Variants in PLAAT3 observed in about 807,000 individuals in gnomAD.
The protein encoded by PLAAT3 is phospholipase A and acyltransferase 3.
Under a neutral mutation model 16.7 loss-of-function variants are expected in PLAAT3, and 21 were observed. The ratio of observed to expected loss-of-function variants is 1.26; its 90% confidence interval spans 0.89 to 1.81. The LOEUF (loss-of-function observed/expected upper bound fraction) is 1.81, where lower values mean the gene tolerates loss of function less well. Ranked by LOEUF, PLAAT3 falls within the 40% of genes most tolerant of loss-of-function variation. PLAAT3 has a pLI of 0.00. For synonymous variants in PLAAT3, 76 were observed against 81.7 expected (o/e 0.93, Z 0.38); for missense variants, 219 against 213.7 (o/e 1.02, Z -0.16).
intron 2 of PLAAT3, among the ~76,000 whole-genome samples, chr11:63,598,924 G>C (rs1350034942): frequency 6.6e-6 from 1 of 152,244 alleles, no homozygotes; most frequent in African/African-American, 2.4e-5. Context: ...GTGCGTATGT[G>C]AGAAGGGGAA....
chr11:63,588,726 G>C (rs1411553837), intron 4 of PLAAT3, among the ~76,000 whole-genome samples: 1 of 152,094 alleles, frequency 6.6e-6, no homozygotes, highest in African/African-American at 2.4e-5. Flanking sequence ...ATAAATAGTT[G>C]TTGAACATGA....
intron 4 of PLAAT3, among the ~76,000 whole-genome samples, chr11:63,585,181 C>A (rs55725938): frequency 1.1e-4 from 17 of 151,942 alleles, no homozygotes; most frequent in Non-Finnish European, 2.5e-4. Context: ...CACACCACCA[C>A]GCCCAGCTAA....
intron 2 of PLAAT3, among the ~76,000 whole-genome samples, chr11:63,611,023 T>C (rs749464858): frequency 6.6e-6 from 1 of 151,976 alleles, no homozygotes; most frequent in African/African-American, 2.4e-5. Flanking sequence ...AAGCCCACAG[T>C]GGGGAGGCAG....
Position 63,604,270 on chromosome 11 carries a change from T to C in PLAAT3, c.16-6107A>G, listed in dbSNP as rs1031259377. Among the ~76,000 whole-genome samples the C allele has an allele frequency of 3.9e-5, 6 of 152,324 alleles. No homozygotes were observed. The East Asian group carries it at 5.8e-4, about 15-fold the overall frequency. On this transcript the variant is annotated intron_variant, in intron 2 of 4. Coordinates refer to ENST00000415826, the MANE Select transcript of PLAAT3 (RefSeq NM_001128203.2). ...GTGCGTGGTTGGGATTCAGAACTTT[T>C]ATATTTCATGTTATATTATTTTATT...
At chr11:63,575,850 G>A (rs591304) in intron 4 of PLAAT3, among the ~76,000 whole-genome samples, 40,874 of 152,030 alleles carry the variant, frequency 0.27, 6,650 homozygotes, top group Non-Finnish European at 0.36. Context: ...ATTAAACCCA[G>A]GTACCTCTGG....
chr11:63,603,289 C>T (rs1220855914), intron 2 of PLAAT3, among the ~76,000 whole-genome samples: 1 of 152,080 alleles, frequency 6.6e-6, no homozygotes, highest in Non-Finnish European at 1.5e-5. Context: ...TGGCAAAGTT[C>T]AGGAGAACCC....
chr11:63,575,260 G>T (rs931157758), intron 4 of PLAAT3, among the ~76,000 whole-genome samples: 2 of 152,236 alleles, frequency 1.3e-5, no homozygotes, highest in African/African-American at 4.8e-5. Context: ...AAATTTACAT[G>T]GAACCAAAGA....
At chr11:63,589,750 C>T (rs1170232509) in intron 4 of PLAAT3, among the ~76,000 whole-genome samples, 1 of 152,170 alleles carries the variant, frequency 6.6e-6, no homozygotes, top group Non-Finnish European at 1.5e-5. Flanking sequence ...GTTACTTAAG[C>T]TCAGTTTCCC....
At chr11:63,594,941 T>C (rs1156827283) in intron 3 of PLAAT3, among the ~76,000 whole-genome samples, 2 of 152,062 alleles carry the variant, frequency 1.3e-5, no homozygotes, top group Non-Finnish European at 2.9e-5. Flanking sequence ...TGACATCTAC[T>C]CTGGTTACTA....
intron 4 of PLAAT3, 151 bp from the exon 5 acceptor site, chr11:63,575,197 GGGA>G (rs1565244604): frequency 1.7e-6 from 1 of 597,244 alleles, no homozygotes; most frequent in African/African-American, 1.9e-5. Context: ...TAGGGAAGAG[GGGA>G]GGAGAGGGCT....
chr11:63,593,769 G>A (rs1251587441), intron 3 of PLAAT3, among the ~76,000 whole-genome samples: 2 of 152,136 alleles, frequency 1.3e-5, no homozygotes, highest in Non-Finnish European at 2.9e-5. Flanking sequence ...TAATAGAGAC[G>A]GGGTTTCGCC....
intron 4 of PLAAT3, among the ~76,000 whole-genome samples, chr11:63,588,820 G>A (rs913228038): frequency 5.3e-5 from 8 of 152,118 alleles, no homozygotes; most frequent in Admixed American, 1.3e-4. Context: ...TATAGGAACC[G>A]CCTAACAAAC....
rs765555800 is a variant in PLAAT3 at position 63,590,273 on chromosome 11, C to A, written c.214G>T (p.Asp72Tyr). ...KELLYDVAGS[D>Y]KYQVNNKHDD... ...TGTTTGTTGTTGACCTGGTACTTGTCACTCCCGGCCACATCATACAGCAAT... is the reference window on the plus strand; with the variant it reads ...TGTTTGTTGTTGACCTGGTACTTGTAACTCCCGGCCACATCATACAGCAAT... The change falls in exon 4 of 5, where the codon GAC becomes TAC. Residue 72 changes from aspartate (D) to tyrosine (Y), a missense_variant. Transcript: ENST00000415826. 2.7e-5 allele frequency: 43 copies of A among 1,614,102 alleles called. No homozygotes were observed. The highest frequency in any genetic ancestry group is 4.2e-6 in the Non-Finnish European group (5 of 1,180,022).
intron 4 of PLAAT3, among the ~76,000 whole-genome samples, chr11:63,579,232 G>A (rs1937717933): frequency 6.6e-6 from 1 of 152,186 alleles, no homozygotes; most frequent in Admixed American, 6.5e-5. Flanking sequence ...AACAAGTGCT[G>A]GAGAGGATAT....
At chr11:63,613,944 T>C in intron 2 of PLAAT3, 56 bp downstream of exon 2, 1 of 1,077,128 alleles carries the variant, frequency 9.3e-7, no homozygotes, top group South Asian at 1.3e-5. Flanking sequence ...AGACAACGAG[T>C]CCCCACTAAC....
chr11:63,586,570 T>C (rs11231525), intron 4 of PLAAT3, among the ~76,000 whole-genome samples: 37,464 of 152,182 alleles, frequency 0.25, 5,167 homozygotes, highest in East Asian at 0.63. Context: ...TTCCCAAGGT[T>C]GTCTTGTACT....
At chr11:63,615,160 G>GTGTGTATATGTGTATATATGTGTA (rs1565259789), upstream of PLAAT3, among the ~76,000 whole-genome samples, 2 of 39,134 alleles carry the variant, frequency 5.1e-5, no homozygotes, top group Non-Finnish European at 1.6e-4. Context: ...GTATATATGT[G>GTGTGTATATGTGTATATATGTGTA]TATATATGTG....
upstream of PLAAT3, among the ~76,000 whole-genome samples, chr11:63,615,514 T>C (rs1248382829): frequency 1.3e-5 from 2 of 151,904 alleles, no homozygotes; most frequent in Non-Finnish European, 2.9e-5. Flanking sequence ...CCCTTTTCTG[T>C]GTCTTAAAAG....
In PLAAT3 at chr11:63,590,341, C is replaced by G; in HGVS notation, c.146G>C (p.Ser49Thr). ...PSEVAGAGAA[S>T]VMSALTDKAI... is the part of the protein sequence containing the mutation. ...CTTGTCAGTCAGGGCGGACATGACACTGGCTGCACCAGCTCCTGCGACCTC... is the reference window on the plus strand; with the variant it reads ...CTTGTCAGTCAGGGCGGACATGACAGTGGCTGCACCAGCTCCTGCGACCTC... Residue 49 changes from serine (S) to threonine (T), a missense_variant, in exon 4 of 5, where the codon AGT (serine) becomes ACT (threonine). Physicochemically the swap from Ser to Thr is moderately conservative, Grantham distance 58 (BLOSUM62 1). Coordinates refer to ENST00000415826, the MANE Select transcript of PLAAT3 (RefSeq NM_001128203.2). 1 of 1,614,182 alleles carries G rather than the reference C, an allele frequency of 6.2e-7. No homozygotes were observed. The highest frequency in any genetic ancestry group is 8.5e-7 in the Non-Finnish European group (1 of 1,180,018).
Sources: gnomAD v4.1 joint callset for allele counts (sites outside exome capture counted in the v4.1 genomes callset) on GRCh38, gnomAD v4.1.1 for gene constraint, MANE v1.5 for transcripts, NCBI Gene and HGNC (gene_info 2026-07-23, HGNC 2026-07-21) for gene names.